The following RAB13 variants were observed in gnomAD, a reference collection of about 807,000 sequenced individuals.
RAB13 encodes the protein RAB13, member RAS oncogene family.
A neutral mutation model predicts 29.3 loss-of-function variants in RAB13; 15 were observed. That is an observed-to-expected ratio of 0.51 (90% CI 0.34 to 0.79). The LOEUF (loss-of-function observed/expected upper bound fraction) is 0.79. Among genes scored for constraint, RAB13 ranks in the 30% least tolerant of loss-of-function variants. RAB13 has a pLI of 0.01. For synonymous variants in RAB13, 82 were observed against 93.8 expected (o/e 0.87, Z 0.73); for missense variants, 186 against 255.5 (o/e 0.73, Z 1.85).
At chr1:153,990,700 A>C (rs1649334092), upstream of RAB13, 6 of 1,527,502 alleles carry the variant, frequency 3.9e-6, no homozygotes, top group Non-Finnish European at 3.6e-6. Context: ...ATGGTGGCAC[A>C]AGATCCTTGC....
intron 1 of RAB13, chr1:153,985,911 T>C: frequency 1.3e-6 from 1 of 776,344 alleles, no homozygotes; most frequent in Non-Finnish European, 1.9e-6. Context: ...AGTTGAAGAG[T>C]TACCTGAAGG....
At chr1:153,985,114 A>C (rs1299167218) in intron 1 of RAB13, 1 of 1,065,888 alleles carries the variant, frequency 9.4e-7, no homozygotes. Context: ...GTCTCCCCCC[A>C]GATATTACTT....
At chr1:153,985,817 G>C (rs1396559856) in intron 1 of RAB13, among the ~76,000 whole-genome samples, 1 of 152,136 alleles carries the variant, frequency 6.6e-6, no homozygotes, top group Non-Finnish European at 1.5e-5. Flanking sequence ...TAGGGGAAGA[G>C]GGGAACAGAG....
chr1:153,990,616 C>A, upstream of RAB13: 1 of 687,308 alleles, frequency 1.5e-6, no homozygotes, highest in Non-Finnish European at 2.6e-6. Flanking sequence ...TCACAACTAA[C>A]AGTTAAAGAC....
In RAB13 at chr1:153,986,225, G is replaced by A. The variant is rs781301545; in HGVS notation, c.12C>T (p.Ala4=). Residue 4 remains alanine (A), a synonymous_variant, in exon 1 of 8, where the codon GCC becomes GCT. Coordinates refer to ENST00000368575, the MANE Select transcript of RAB13 (RefSeq NM_002870.5). ...GCAGCAACTTGAAGAGGTGGTCGTA[G>A]GCTTTGGCCATGGCGGACACCGGGG... MAK[A]YDHLFKLLLI... is the part of the protein sequence containing the mutation. 11 of 1,612,932 alleles carry A rather than the reference G, an allele frequency of 6.8e-6. No homozygotes were observed. In the African/African-American group the frequency reaches 1.3e-4, roughly 20 times the overall value.
upstream of RAB13, among the ~76,000 whole-genome samples, chr1:153,989,331 G>A (rs1486740325): frequency 9.5e-5 from 14 of 146,840 alleles, no homozygotes; most frequent in African/African-American, 3.5e-4. Flanking sequence ...CTCACTGCAA[G>A]CTCCGCCTCC....
intron 4 of RAB13, 41 bp downstream of exon 4, chr1:153,983,178 G>A: frequency 1.3e-6 from 2 of 1,547,580 alleles, no homozygotes; most frequent in South Asian, 1.1e-5. Context: ...TCATTCTCCA[G>A]GTTCTAACCA....
intron 1 of RAB13, 156 bp downstream of exon 1, chr1:153,985,957 G>A: frequency 7.5e-7 from 1 of 1,341,404 alleles, no homozygotes. Context: ...ACTATACAGA[G>A]ACATGCACGG....
chr1:153,989,940 T>C (rs1339044973), upstream of RAB13, among the ~76,000 whole-genome samples: 2 of 152,132 alleles, frequency 1.3e-5, no homozygotes, highest in Non-Finnish European at 2.9e-5. Flanking sequence ...ATCTTTCACT[T>C]ATCCCCATCA....
At chr1:153,990,521 A>G (rs1649327226), upstream of RAB13, among the ~76,000 whole-genome samples, 1 of 152,192 alleles carries the variant, frequency 6.6e-6, no homozygotes, top group South Asian at 2.1e-4. Context: ...CAAAATTTTA[A>G]AAGTGTCCAT....
At chr1:153,984,424 A>G (rs1186468039) in intron 2 of RAB13, among the ~76,000 whole-genome samples, 1 of 152,168 alleles carries the variant, frequency 6.6e-6, no homozygotes, top group Non-Finnish European at 1.5e-5. Flanking sequence ...TGCCTTTGCC[A>G]TTTAACTGCT....
upstream of RAB13, among the ~76,000 whole-genome samples, chr1:153,987,515 C>CAAAAAAAA (rs775480072): frequency 5.2e-5 from 5 of 97,050 alleles, no homozygotes; most frequent in South Asian, 3.4e-4. Context: ...GACTCCGTCT[C>CAAAAAAAA]AAAAAAAAAA....
chr1:153,986,022 G>C, intron 1 of RAB13, 91 bp downstream of exon 1: 1 of 1,570,866 alleles, frequency 6.4e-7, no homozygotes. Flanking sequence ...CTTACTCTAA[G>C]GGGACTGAAA....
chr1:153,982,627 T>C (rs894218542), intron 5 of RAB13, 27 bp from the exon 6 acceptor site: 52 of 1,612,244 alleles, frequency 3.2e-5, no homozygotes, highest in Non-Finnish European at 4.2e-5. Context: ...GGGAAGAGAA[T>C]TGAATTAAGG....
chr1:153,986,255 C>G lies in RAB13; in HGVS notation c.-19G>C. ...TGGCCATGGCGGACACCGGGGGAGC[C>G]GGGGGAGGGGTGGGGAGCGCCCGGC... On this transcript the variant is annotated 5_prime_UTR_variant, in exon 1 of 8. Coordinates refer to ENST00000368575, the MANE Select transcript of RAB13 (RefSeq NM_002870.5). 2.5e-6 allele frequency: 4 copies of G among 1,608,656 alleles called. No homozygotes were observed. Among genetic ancestry groups the G allele is most frequent in the Non-Finnish European group, 3.4e-6 (4 of 1,177,152 alleles).
rs1391005605 is a variant in RAB13 at position 153,986,135 on chromosome 1, G to T, written c.102C>A (p.Asn34Lys). 6.2e-7 allele frequency: 1 copy of T among 1,613,850 alleles called. No individual in the cohort carries two copies. ...LIIRFAEDNF[N>K]NTYISTIGID... is the part of the protein sequence containing the mutation. ...CACCGATGGTGGAGATGTAAGTGTT[G>T]TTGAAGTTGTCCTCTGCAAAGCGAA... Residue 34 changes from asparagine to lysine, a missense_variant, in exon 1 of 8, where the codon AAC (asparagine) becomes AAA (lysine). Transcript: ENST00000368575.
At chr1:153,982,650 T>C (rs750465602) in intron 5 of RAB13, 50 bp from the exon 6 acceptor site, 2 of 1,609,528 alleles carry the variant, frequency 1.2e-6, no homozygotes. Context: ...AGCAGCCAAG[T>C]CCTCTGCAAT....
upstream of RAB13, among the ~76,000 whole-genome samples, chr1:153,986,750 A>G (rs1649182791): frequency 6.6e-6 from 1 of 152,012 alleles, no homozygotes; most frequent in Non-Finnish European, 1.5e-5. Context: ...CTATTCAACG[A>G]AGCTAGAAGA....
upstream of RAB13, among the ~76,000 whole-genome samples, chr1:153,987,528 A>AAAAAAAAGAAAG (rs570485139): frequency 2.4e-5 from 3 of 127,488 alleles, no homozygotes; most frequent in African/African-American, 8.7e-5. Flanking sequence ...AAAAAAAAAA[A>AAAAAAAAGAAAG]AAAGAAAGAA....
Sources: allele counts gnomAD v4.1 joint callset (sites outside exome capture counted in the v4.1 genomes callset), GRCh38; gene constraint gnomAD v4.1.1; transcripts MANE v1.5; gene names NCBI Gene and HGNC (gene_info 2026-07-23, HGNC 2026-07-21).